ACTG2: variants seen among roughly 807,000 people sequenced by gnomAD.
The protein encoded by ACTG2 is actin, gamma-enteric smooth muscle.
Under a neutral mutation model 37.6 loss-of-function variants are expected in ACTG2, and 16 were observed. That is an observed-to-expected ratio of 0.43 (90% CI 0.29 to 0.65). The LOEUF is 0.65. ACTG2 is among the 30% of genes least tolerant of loss of function. The pLI, the probability that ACTG2 is intolerant of heterozygous loss-of-function variation, is 0.18. For missense variants in ACTG2, 238 were observed against 490.9 expected (o/e 0.48, Z 4.87); for synonymous variants, 181 against 179.9 (o/e 1.01, Z -0.05).
intron 3 of ACTG2, 71 bp downstream of exon 3, chr2:73,902,559 G>A: frequency 1.3e-6 from 2 of 1,595,326 alleles, no homozygotes; most frequent in Non-Finnish European, 1.7e-6. Context: ...GTATTCATAG[G>A]CCACTGTGCT....
chr2:73,913,813 T>C (rs1288726168), intron 6 of ACTG2, among the ~76,000 whole-genome samples, 167 bp downstream of exon 6: 1 of 152,164 alleles, frequency 6.6e-6, no homozygotes, highest in Non-Finnish European at 1.5e-5. Flanking sequence ...GACCAGATAG[T>C]CATGGAAGCA....
At chr2:73,894,899 TGGAA>T (rs1385115395) in intron 1 of ACTG2, among the ~76,000 whole-genome samples, 1 of 152,022 alleles carries the variant, frequency 6.6e-6, no homozygotes, top group Non-Finnish European at 1.5e-5. Flanking sequence ...TGGGGAGCCA[TGGAA>T]GGGTTTTAAT....
At chr2:73,896,415 C>T (rs1300916394) in intron 1 of ACTG2, among the ~76,000 whole-genome samples, 1 of 151,940 alleles carries the variant, frequency 6.6e-6, no homozygotes, top group Non-Finnish European at 1.5e-5. Flanking sequence ...CGGAATTTGC[C>T]TTACCCTGAT....
rs772542600 is a variant in ACTG2 at position 73,901,290 on chromosome 2, A to G, written c.-22A>G. 2 of 1,554,510 alleles carry G rather than the reference A, an allele frequency of 1.3e-6. No individual in the cohort carries two copies. The highest frequency in any genetic ancestry group is 3.7e-5 in the Admixed American group (2 of 54,038). The stretch of plus-strand genomic sequence containing the variant: ...CAAATCCCAAGGTGCTCCAGTCCCC[A>G]GCTCACTCAGCCACACACACCATGT... On this transcript the variant is annotated 5_prime_UTR_variant, in exon 2 of 9. Coordinates refer to ENST00000345517, the MANE Select transcript of ACTG2 (RefSeq NM_001615.4).
intron 3 of ACTG2, among the ~76,000 whole-genome samples, chr2:73,904,207 C>G (rs1277860438): frequency 7.0e-6 from 1 of 142,464 alleles, no homozygotes; most frequent in Non-Finnish European, 1.5e-5. Context: ...TGTGTTCACG[C>G]CACTGCACTC....
chr2:73,901,740 G>T (rs1679889389), intron 2 of ACTG2: 3 of 381,068 alleles, frequency 7.9e-6, no homozygotes, highest in Non-Finnish European at 9.1e-6. Flanking sequence ...ACACTACTAT[G>T]TCTGGCTTAC....
In ACTG2 at chr2:73,902,345, CTT is replaced by C; in HGVS notation, c.127-11_127-10del. 6.2e-7 allele frequency: 1 copy of C among 1,613,194 alleles called. No homozygotes were observed. Among genetic ancestry groups the C allele is most frequent in the Non-Finnish European group, 8.5e-7 (1 of 1,179,642 alleles). Reference sequence around the variant, plus strand: ...CTCAGCCATTCATTTCTCTTTTCTTCTTTTTGCATTGCAGGGTGTGATGGTGG... The same window carrying C: ...CTCAGCCATTCATTTCTCTTTTCTTCTTTGCATTGCAGGGTGTGATGGTGG... On this transcript the variant is annotated splice_polypyrimidine_tract_variant and intron_variant, in intron 2 of 8. Coordinates refer to ENST00000345517, the MANE Select transcript of ACTG2 (RefSeq NM_001615.4).
At chr2:73,904,777 G>GTGTGTGTATGTATATATATA (rs1427483105) in intron 3 of ACTG2, among the ~76,000 whole-genome samples, 14 of 42,634 alleles carry the variant, frequency 3.3e-4, no homozygotes, top group African/African-American at 9.3e-4. Flanking sequence ...GTGTGTGTGT[G>GTGTGTGTATGTATATATATA]TATATATATA....
chr2:73,911,037 C>A (rs927591265), intron 5 of ACTG2, among the ~76,000 whole-genome samples: 1 of 152,114 alleles, frequency 6.6e-6, no homozygotes, highest in African/African-American at 2.4e-5. Flanking sequence ...CATCTTGGCC[C>A]ACTGGAAGGT....
chr2:73,899,529 T>A (rs1306852104), intron 1 of ACTG2, among the ~76,000 whole-genome samples: 1 of 152,162 alleles, frequency 6.6e-6, no homozygotes, highest in African/African-American at 2.4e-5. Flanking sequence ...CTTCTTGGAC[T>A]TTTATTCTTT....
chr2:73,915,924 G>A (rs921637695), intron 7 of ACTG2, among the ~76,000 whole-genome samples: 1 of 151,916 alleles, frequency 6.6e-6, no homozygotes, highest in East Asian at 1.9e-4. Flanking sequence ...TAGGTATGGG[G>A]GTCTCTTTTG....
intron 1 of ACTG2, among the ~76,000 whole-genome samples, chr2:73,900,319 C>G (rs1028094686): frequency 2.6e-5 from 4 of 152,170 alleles, no homozygotes; most frequent in African/African-American, 9.7e-5. Flanking sequence ...TCTGTTGCTT[C>G]TCCTTCATCA....
At chr2:73,916,526 G>A in intron 7 of ACTG2, 58 bp from the exon 8 acceptor site, 3 of 1,491,798 alleles carry the variant, frequency 2.0e-6, no homozygotes, top group South Asian at 1.3e-5. Context: ...TTGAGGAGCT[G>A]GAGGTGTGCA....
intron 1 of ACTG2, among the ~76,000 whole-genome samples, chr2:73,899,772 C>T (rs1208950342): frequency 6.6e-6 from 1 of 152,120 alleles, no homozygotes; most frequent in East Asian, 1.9e-4. Context: ...ATATCCTATT[C>T]TGGACCTTGT....
intron 2 of ACTG2, among the ~76,000 whole-genome samples, 189 bp from the exon 3 acceptor site, chr2:73,902,171 C>T (rs1679905743): frequency 6.6e-6 from 1 of 152,046 alleles, no homozygotes; most frequent in South Asian, 2.1e-4. Flanking sequence ...AAGAAATCCT[C>T]CACCTTCTCT....
At chr2:73,906,462 T>TAATAAATA (rs1464729837) in intron 3 of ACTG2, among the ~76,000 whole-genome samples, 2 of 94,630 alleles carry the variant, frequency 2.1e-5, no homozygotes, top group East Asian at 5.2e-4. Flanking sequence ...AAATAAAAAA[T>TAATAAATA]AAAAAATAAA....
At chr2:73,915,249 G>A (rs1474730186) in intron 7 of ACTG2, among the ~76,000 whole-genome samples, 1 of 152,074 alleles carries the variant, frequency 6.6e-6, no homozygotes, top group South Asian at 2.1e-4. Flanking sequence ...GCCAGGCGCG[G>A]TGGCTCACGC....
rs372049829 is a variant in ACTG2, at chr2:73,913,520, A to G, written c.487A>G (p.Asn163Asp). The change falls in exon 6 of 9, where the codon AAT becomes GAT. Residue 163 changes from asparagine to aspartate, a missense_variant. Transcript: ENST00000345517. ...VLDSGDGVTH[N>D]VPIYEGYALP... ...GGATTCAGGTGATGGCGTCACCCAC[A>G]ATGTCCCCATCTATGAAGGCTATGC... 2.9e-5 allele frequency: 47 copies of G among 1,612,786 alleles called. No homozygotes were observed. The highest frequency in any genetic ancestry group is 3.8e-5 in the Non-Finnish European group (45 of 1,179,216).
intron 7 of ACTG2, among the ~76,000 whole-genome samples, chr2:73,916,374 GAA>G (rs56292295): frequency 0.56 from 70,705 of 126,828 alleles, 19,130 homozygotes; most frequent in Non-Finnish European, 0.64. Context: ...CTCCATCTCA[GAA>G]AAAAAAAAAA....
Sources: gnomAD v4.1 joint callset for allele counts (sites outside exome capture counted in the v4.1 genomes callset) on GRCh38, gnomAD v4.1.1 for gene constraint, MANE v1.5 for transcripts, NCBI Gene and HGNC (gene_info 2026-07-23, HGNC 2026-07-21) for gene names.